CAST: variants seen among roughly 807,000 people sequenced by gnomAD.
CAST encodes the protein MIR583 host.
A neutral mutation model predicts 119.6 loss-of-function variants in CAST; 76 were observed. That is an observed-to-expected ratio of 0.64 (90% CI 0.53 to 0.77). CAST has a LOEUF of 0.77. Among genes scored for constraint, CAST ranks in the 30% least tolerant of loss-of-function variants. The pLI is 0.00. For missense variants in CAST, 953 were observed against 946.5 expected, an observed-to-expected ratio of 1.01 and a Z score of -0.09; for synonymous variants, 319 against 331.6, an observed-to-expected ratio of 0.96 and a Z score of 0.41.
the CAST span, chr5:96,425,753 C>A: frequency 1.2e-6 from 1 of 855,262 alleles, no homozygotes; most frequent in Non-Finnish European, 2.0e-6. Flanking sequence ...ATCCATGTTG[C>A]AAATGTAACA....
intron 2 of CAST, among the ~76,000 whole-genome samples, chr5:96,685,886 A>C (rs1752022817): frequency 6.6e-6 from 1 of 152,248 alleles, no homozygotes; most frequent in Admixed American, 6.5e-5. Context: ...AGTAACACTG[A>C]AATAATTCTT....
At chr5:96,770,498 A>G in intron 29 of CAST, 33 bp from the exon 30 acceptor site, 4 of 1,433,766 alleles carry the variant, frequency 2.8e-6, no homozygotes, top group Non-Finnish European at 3.9e-6. Flanking sequence ...GATTGGTGAT[A>G]GCCATAGCCT....
chr5:96,763,963 C>CA (rs35420188), intron 25 of CAST, among the ~76,000 whole-genome samples: 62,433 of 145,958 alleles, frequency 0.43, 13,262 homozygotes, highest in Non-Finnish European at 0.46. Flanking sequence ...CTTTTTACCT[C>CA]AAAAAAAAAA....
At chr5:96,702,806 A>T (rs1208307988) in intron 3 of CAST, 2 of 985,324 alleles carry the variant, frequency 2.0e-6, no homozygotes, top group Admixed American at 6.1e-5. Flanking sequence ...CGTCGCACTC[A>T]GAGAGCTGGG....
chr5:96,367,102 T>C, the CAST span, among the ~76,000 whole-genome samples: 2 of 152,230 alleles, frequency 1.3e-5, no homozygotes, highest in East Asian at 3.8e-4. Flanking sequence ...GCTCCAGACC[T>C]GTTTGCCTGG....
chr5:96,332,625 C>G, the CAST span, among the ~76,000 whole-genome samples: 1 of 152,194 alleles, frequency 6.6e-6, no homozygotes, highest in South Asian at 2.1e-4. Context: ...GAGGACAGAG[C>G]GACGACATGG....
In CAST at chr5:96,550,042, C is replaced by T. The variant is rs368643516; in HGVS notation, c.60+20162C>T. Among the ~76,000 whole-genome samples, 5 of 152,332 alleles carry T rather than the reference C, an allele frequency of 3.3e-5. No individual in the cohort carries two copies. In the East Asian group the frequency reaches 7.7e-4, roughly 24 times the overall value. ...TTAAACGTCCCTGCCCGACAGCTCT[C>T]AAGAGAGCAGTAGTTCTCCCAGCAC... On this transcript the variant is annotated intron_variant, in intron 1 of 11. Transcript: ENST00000505143.
At chr5:96,283,721 C>T in the CAST span, among the ~76,000 whole-genome samples, 1 of 152,104 alleles carries the variant, frequency 6.6e-6, no homozygotes. Flanking sequence ...TGCAGTGGAC[C>T]GGCAGAGCCC....
chr5:96,511,496 TTG>T, the CAST span, among the ~76,000 whole-genome samples: 2 of 152,210 alleles, frequency 1.3e-5, no homozygotes, highest in Non-Finnish European at 2.9e-5. Context: ...TGCTAGCATA[TTG>T]TGTTATATTT....
At chr5:96,430,389 C>T in the CAST span, among the ~76,000 whole-genome samples, 3 of 152,230 alleles carry the variant, frequency 2.0e-5, no homozygotes, top group South Asian at 6.2e-4. Context: ...ATTCTCATCG[C>T]CCAGAGAATT....
intron 1 of CAST, among the ~76,000 whole-genome samples, chr5:96,568,256 C>T (rs1401560384): frequency 6.6e-6 from 1 of 152,090 alleles, no homozygotes; most frequent in East Asian, 1.9e-4. Context: ...GTTCTTTCAT[C>T]TATTTGTTTG....
chr5:96,674,082 T>G (rs1319101167), intron 1 of CAST, among the ~76,000 whole-genome samples: 2 of 152,216 alleles, frequency 1.3e-5, no homozygotes, highest in African/African-American at 4.8e-5. Context: ...TAGTAGCATA[T>G]CTGTTGATAT....
the CAST span, among the ~76,000 whole-genome samples, chr5:96,061,787 T>A: frequency 1.3e-5 from 2 of 152,044 alleles, no homozygotes; most frequent in Admixed American, 1.3e-4. Context: ...TAAGGAGGTC[T>A]GGGGAGAAGA....
At chr5:96,100,731 C>T in the CAST span, among the ~76,000 whole-genome samples, 1 of 152,100 alleles carries the variant, frequency 6.6e-6, no homozygotes, top group Admixed American at 6.6e-5. Context: ...GGGGTTGGTT[C>T]CAGGATCCCC....
chr5:96,141,231 C>G, the CAST span, among the ~76,000 whole-genome samples: 2 of 152,042 alleles, frequency 1.3e-5, no homozygotes, highest in Non-Finnish European at 2.9e-5. Context: ...GTATATTGAC[C>G]TGTTTTGTTT....
chr5:96,671,953 A>C (rs2150239193), intron 1 of CAST, among the ~76,000 whole-genome samples: 1 of 152,332 alleles, frequency 6.6e-6, no homozygotes, highest in East Asian at 1.9e-4. Flanking sequence ...GATACAATTG[A>C]CTTTACATCA....
In CAST at chr5:96,754,109, G is replaced by A; in HGVS notation, c.1574G>A (p.Gly525Glu). The A allele has an allele frequency of 6.2e-7, 1 of 1,613,840 alleles. No individual in the cohort carries two copies. Residue 525 changes from glycine to glutamate, a missense_variant, in exon 21 of 32, where the codon GGG (glycine) becomes GAG (glutamate). Physicochemically the swap from Gly to Glu is moderately conservative, Grantham distance 98. Transcript: ENST00000675179. ...GTAGAAGCCTTGGCTGATAGCCTGG[G>A]GAAAAAGGAAGCAGATCCAGAAGAT... ...DAVEALADSL[G>E]KKEADPEDGK... is the part of the protein sequence containing the mutation.
chr5:96,214,691 A>G, the CAST span, among the ~76,000 whole-genome samples: 1 of 152,164 alleles, frequency 6.6e-6, no homozygotes, highest in Non-Finnish European at 1.5e-5. Flanking sequence ...TAAAACGTAA[A>G]AACAACACAA....
At chr5:96,115,743 T>C in the CAST span, among the ~76,000 whole-genome samples, 1,125 of 152,304 alleles carry the variant, frequency 7.4e-3, 15 homozygotes, top group African/African-American at 0.026. Context: ...TTTTCTGGTG[T>C]GTCTTATTGA....
Sources: allele counts gnomAD v4.1 joint callset (sites outside exome capture counted in the v4.1 genomes callset), GRCh38; gene constraint gnomAD v4.1.1; transcripts MANE v1.5; gene names NCBI Gene and HGNC (gene_info 2026-07-23, HGNC 2026-07-21).